Variants in DPP6 observed in about 807,000 individuals in gnomAD.
The protein encoded by DPP6 is dipeptidyl peptidase like 6.
In DPP6, 69 loss-of-function variants were observed where a neutral mutation model predicts 122.6. The ratio of observed to expected loss-of-function variants is 0.56; its 90% CI spans 0.46 to 0.69. The LOEUF (loss-of-function observed/expected upper bound fraction) is 0.69, where lower values mean the gene tolerates loss of function less well. Among genes scored for constraint, DPP6 ranks in the 30% least tolerant of loss-of-function variants. The pLI is 0.00. For synonymous variants in DPP6, 418 were observed against 433.1 expected, an observed-to-expected ratio of 0.97 and a Z score of 0.43; for missense variants, 928 against 1,116.9, an observed-to-expected ratio of 0.83 and a Z score of 2.41.
At chr7:153,867,590 T>G in the DPP6 span, among the ~76,000 whole-genome samples, 2 of 152,154 alleles carry the variant, frequency 1.3e-5, no homozygotes, top group Non-Finnish European at 2.9e-5. Flanking sequence ...ATCATGTCAT[T>G]TGCAAACAGG....
chr7:154,498,042 C>T (rs757570032), intron 3 of DPP6, among the ~76,000 whole-genome samples: 3 of 152,072 alleles, frequency 2.0e-5, no homozygotes, highest in Admixed American at 6.5e-5. Flanking sequence ...GGGGTGAAAC[C>T]GAGCATGGGA....
At chr7:153,999,980 GA>G (rs3980025) in intron 1 of DPP6, among the ~76,000 whole-genome samples, 6,480 of 143,024 alleles carry the variant, frequency 0.045, 134 homozygotes, top group South Asian at 0.087. Context: ...AAGAAAGAAA[GA>G]AAAAAAAAAC....
intron 6 of DPP6, among the ~76,000 whole-genome samples, chr7:154,660,080 A>G (rs1837521783): frequency 6.6e-6 from 1 of 152,200 alleles, no homozygotes; most frequent in South Asian, 2.1e-4. Context: ...GTGGTGAGGG[A>G]AGGGAAATGC....
the DPP6 span, among the ~76,000 whole-genome samples, chr7:153,843,167 C>CACACACGAGTGCAT: frequency 6.6e-6 from 1 of 152,014 alleles, no homozygotes; most frequent in South Asian, 2.1e-4. Context: ...TATGTGCATA[C>CACACACGAGTGCAT]ACACACGAGT....
chr7:154,813,363 A>C (rs1242514768), intron 16 of DPP6, among the ~76,000 whole-genome samples: 1 of 152,094 alleles, frequency 6.6e-6, no homozygotes, highest in African/African-American at 2.4e-5. Flanking sequence ...GATTACAGGC[A>C]TGAGCCACCG....
intron 10 of DPP6, among the ~76,000 whole-genome samples, chr7:154,789,649 C>T (rs1032992897): frequency 1.3e-5 from 2 of 152,206 alleles, no homozygotes; most frequent in Non-Finnish European, 2.9e-5. Flanking sequence ...CTGGAGACCT[C>T]TGTCTGGAGA....
At chr7:153,916,408 T>TCTCTCCTCCCCTCCC (rs1585026733) in intron 1 of DPP6, among the ~76,000 whole-genome samples, 2 of 53,760 alleles carry the variant, frequency 3.7e-5, no homozygotes, top group Admixed American at 2.7e-4. Flanking sequence ...CCTCCCCTCC[T>TCTCTCCTCCCCTCCC]CTCTCCTCCC....
At chr7:154,381,185 G>A (rs143025197) in intron 1 of DPP6, among the ~76,000 whole-genome samples, 9 of 152,254 alleles carry the variant, frequency 5.9e-5, no homozygotes, top group East Asian at 1.9e-4. Context: ...TGTCACTGCC[G>A]GACTCTGTGG....
rs550212027 is a variant in DPP6 at position 154,336,692 on chromosome 7, G to A, written c.244-109522G>A. ...GGAGAAAACCCCACTGTGGGCACGT[G>A]AGTCAGGGAAGCAGCATGGAAGCGG... On this transcript the variant is annotated intron_variant, in intron 1 of 25. Transcript: ENST00000377770. 5.9e-5 allele frequency among the ~76,000 whole-genome samples: 9 copies of A among 152,346 alleles called. No individual in the cohort carries two copies. In the South Asian group the frequency reaches 1.7e-3, roughly 28 times the overall value.
At chr7:154,795,113 G>T (rs1458313215) in intron 11 of DPP6, among the ~76,000 whole-genome samples, 2 of 152,200 alleles carry the variant, frequency 1.3e-5, no homozygotes, top group South Asian at 4.2e-4. Flanking sequence ...AGGAACGTGA[G>T]GACACAAAGC....
intron 5 of DPP6, among the ~76,000 whole-genome samples, chr7:154,637,024 C>T (rs569216522): frequency 2.4e-4 from 36 of 152,272 alleles, no homozygotes; most frequent in Middle Eastern, 3.4e-3. Context: ...TCCGTATGTT[C>T]GACAAGGTCT....
chr7:154,164,058 C>T (rs1797111673), intron 1 of DPP6, among the ~76,000 whole-genome samples: 1 of 152,102 alleles, frequency 6.6e-6, no homozygotes. Flanking sequence ...TCTGCCTGGC[C>T]CCGCCAAACC....
chr7:154,262,092 G>T (rs181754453), intron 1 of DPP6, among the ~76,000 whole-genome samples: 1 of 152,032 alleles, frequency 6.6e-6, no homozygotes, highest in Non-Finnish European at 1.5e-5. Flanking sequence ...AGCCCACAGG[G>T]TGCACTAATA....
At chr7:153,988,363 A>G (rs1481193268) in intron 1 of DPP6, among the ~76,000 whole-genome samples, 2 of 33,212 alleles carry the variant, frequency 6.0e-5, no homozygotes, top group Non-Finnish European at 6.7e-5. Context: ...ACCCATCAGA[A>G]AGTGGATACC....
intron 15 of DPP6, among the ~76,000 whole-genome samples, chr7:154,805,367 C>T (rs966871418): frequency 5.3e-5 from 8 of 152,138 alleles, no homozygotes; most frequent in Admixed American, 3.3e-4. Flanking sequence ...ACGAGGAGGC[C>T]GGCCCTGCTG....
At chr7:154,490,291 C>A (rs1263516734) in intron 3 of DPP6, among the ~76,000 whole-genome samples, 5 of 152,218 alleles carry the variant, frequency 3.3e-5, no homozygotes, top group African/African-American at 1.2e-4. Context: ...TGAGACAACA[C>A]CCCCAGGTGT....
chr7:154,245,250 G>A (rs572544390), intron 1 of DPP6, among the ~76,000 whole-genome samples: 1 of 152,024 alleles, frequency 6.6e-6, no homozygotes, highest in South Asian at 2.1e-4. Context: ...ACTGCACCAG[G>A]CCTACAAGGG....
intron 1 of DPP6, among the ~76,000 whole-genome samples, chr7:153,995,398 A>C (rs1009229857): frequency 1.3e-5 from 2 of 152,122 alleles, no homozygotes; most frequent in Admixed American, 6.5e-5. Flanking sequence ...CATCCTGGCT[A>C]ACACGGTGAA....
In DPP6 at chr7:154,061,115, G is replaced by A. The variant is rs562166171; in HGVS notation, c.243+8052G>A. Among the ~76,000 whole-genome samples, 9 of 148,334 alleles carry A rather than the reference G, an allele frequency of 6.1e-5. No homozygotes were observed. In the South Asian group the frequency reaches 1.3e-3, roughly 21 times the overall value. On this transcript the variant is annotated intron_variant, in intron 1 of 25. Coordinates refer to ENST00000377770, the MANE Select transcript of DPP6 (RefSeq NM_130797.4). ...GAAAGCAGGTTATTTGCAATCTACC[G>A]GAAATTAAGGGCAGAAGGCAGGTGA...
Sources: gnomAD v4.1 joint callset for allele counts (sites outside exome capture counted in the v4.1 genomes callset) on GRCh38, gnomAD v4.1.1 for gene constraint, MANE v1.5 for transcripts, NCBI Gene and HGNC (gene_info 2026-07-23, HGNC 2026-07-21) for gene names.